FDCSP: variants seen among roughly 807,000 people sequenced by gnomAD.
The protein encoded by FDCSP is follicular dendritic cell secreted protein, also known as follicular dendritic cell secreted peptide.
A neutral mutation model predicts 8.9 loss-of-function variants in FDCSP; 8 were observed. That is an observed-to-expected ratio of 0.90 (90% CI 0.53 to 1.63). The LOEUF is 1.63. Ranked by LOEUF, FDCSP falls within the 40% of genes most tolerant of loss-of-function variation. The pLI is 0.00. For missense variants in FDCSP, 101 were observed against 103.6 expected (o/e 0.98, Z 0.11); for synonymous variants, 34 against 34.5 (o/e 0.98, Z 0.06).
chr4:70,227,053 C>T (rs1388448838), intron 1 of FDCSP, among the ~76,000 whole-genome samples: 1 of 151,902 alleles, frequency 6.6e-6, no homozygotes, highest in East Asian at 1.9e-4. Flanking sequence ...TGGTATATAT[C>T]ACGCTTTTTT....
chr4:70,229,973 G>A (rs999906427), intron 1 of FDCSP, among the ~76,000 whole-genome samples: 3 of 151,614 alleles, frequency 2.0e-5, no homozygotes, highest in African/African-American at 7.3e-5. Flanking sequence ...GGTGCTGATA[G>A]ACTTGCTCGA....
intron 1 of FDCSP, 75 bp from the exon 2 acceptor site, chr4:70,231,120 T>A: frequency 8.4e-7 from 1 of 1,187,652 alleles, no homozygotes; most frequent in Middle Eastern, 2.0e-4. Context: ...AAATTCATGG[T>A]CTTTTAGCTG....
intron 1 of FDCSP, 112 bp downstream of exon 1, chr4:70,226,294 G>A (rs1296264951): frequency 6.6e-6 from 1 of 151,836 alleles, no homozygotes; most frequent in South Asian, 2.1e-4. Flanking sequence ...AATTTTAATT[G>A]TTGAGACTAA....
Position 70,228,774 on chromosome 4 carries a change from G to A in FDCSP, c.1-2421G>A, listed in dbSNP as rs569748493. Among the ~76,000 whole-genome samples the A allele has an allele frequency of 2.0e-5, 3 of 151,864 alleles. No individual in the cohort carries two copies. In the East Asian group the frequency reaches 5.8e-4, roughly 29 times the overall value. On this transcript the variant is annotated intron_variant, in intron 1 of 4. Coordinates refer to ENST00000317987, the MANE Select transcript of FDCSP (RefSeq NM_152997.4). The stretch of plus-strand genomic sequence containing the variant: ...TTGGGGGCTCAGGTACATTTTCAAT[G>A]AATGGCAATATTTTGAAAAAAACAT...
chr4:70,234,818 T>C (rs1005768728), intron 4 of FDCSP, among the ~76,000 whole-genome samples: 6 of 150,406 alleles, frequency 4.0e-5, no homozygotes, highest in Admixed American at 4.0e-4. Context: ...TAATCTACTA[T>C]AATAATTTAT....
chr4:70,226,834 TG>T (rs77678677), intron 1 of FDCSP, among the ~76,000 whole-genome samples: 18,597 of 151,852 alleles, frequency 0.12, 1,350 homozygotes, highest in East Asian at 0.27. Context: ...GTAATTATGC[TG>T]TGTCCTGACT....
At chr4:70,233,220 T>A (rs940566377) in intron 3 of FDCSP, among the ~76,000 whole-genome samples, 194 bp downstream of exon 3, 4 of 151,680 alleles carry the variant, frequency 2.6e-5, no homozygotes, top group African/African-American at 9.7e-5. Flanking sequence ...TATCTCCATA[T>A]CTCATGTCAC....
chr4:70,228,293 G>A (rs766476659), intron 1 of FDCSP, among the ~76,000 whole-genome samples: 11 of 151,802 alleles, frequency 7.2e-5, no homozygotes, highest in Admixed American at 5.3e-4. Flanking sequence ...TCCATAAGAA[G>A]CCATTTTTCA....
chr4:70,226,803 A>G (rs893948030), intron 1 of FDCSP, among the ~76,000 whole-genome samples: 1 of 151,202 alleles, frequency 6.6e-6, no homozygotes, highest in Non-Finnish European at 1.5e-5. Flanking sequence ...TGATAAGTAT[A>G]AAAATAAAAG....
At chr4:70,227,767 G>A (rs1274865194) in intron 1 of FDCSP, among the ~76,000 whole-genome samples, 1 of 151,664 alleles carries the variant, frequency 6.6e-6, no homozygotes, top group African/African-American at 2.4e-5. Flanking sequence ...TGGATTCCCA[G>A]TGTACATAAA....
intron 1 of FDCSP, among the ~76,000 whole-genome samples, chr4:70,229,140 T>A (rs1275384390): frequency 6.6e-6 from 1 of 151,788 alleles, no homozygotes; most frequent in African/African-American, 2.4e-5. Flanking sequence ...AGATAGATTT[T>A]CTGGATAACA....
In FDCSP at chr4:70,232,453, G is replaced by A. The variant is rs949569797; in HGVS notation, c.58-541G>A. 2.0e-5 allele frequency among the ~76,000 whole-genome samples: 3 copies of A among 151,632 alleles called. No homozygotes were observed. The East Asian group carries it at 5.8e-4, about 29-fold the overall frequency. On this transcript the variant is annotated intron_variant, in intron 2 of 4. Transcript: ENST00000317987. Reference sequence around the variant, plus strand: ...TATGCCATACAGTTTTGTAGTCTAGGAGTAAGAGACTATACTGTCTAGCTT... The same window carrying A: ...TATGCCATACAGTTTTGTAGTCTAGAAGTAAGAGACTATACTGTCTAGCTT...
At chr4:70,229,615 T>G (rs1057351344) in intron 1 of FDCSP, among the ~76,000 whole-genome samples, 12 of 151,678 alleles carry the variant, frequency 7.9e-5, no homozygotes, top group African/African-American at 2.7e-4. Flanking sequence ...GGTTATTAAC[T>G]GGCCCAGATT....
chr4:70,230,596 C>A (rs139143343), intron 1 of FDCSP, among the ~76,000 whole-genome samples: 556 of 151,658 alleles, frequency 3.7e-3, no homozygotes, highest in Non-Finnish European at 5.8e-3. Flanking sequence ...CTCTATGATC[C>A]ATGGACTGCA....
intron 1 of FDCSP, among the ~76,000 whole-genome samples, chr4:70,230,371 G>C (rs762994457): frequency 6.6e-6 from 1 of 151,542 alleles, no homozygotes. Flanking sequence ...AAATGCAAAT[G>C]TTCTGTTTCA....
Position 70,231,205 on chromosome 4 carries a change from T to C in FDCSP, c.11T>C (p.Val4Ala). MKK[V>A]LLLITAILAV... ...TACTCCATTTTGCAGATGAAGAAAG[T>C]TCTCCTCCTGATCACAGCCATCTTG... Residue 4 changes from valine to alanine, a missense_variant, in exon 2 of 5, where the codon GTT (valine) becomes GCT (alanine). Physicochemically the swap from Val to Ala is moderately conservative, Grantham distance 64. Coordinates refer to ENST00000317987, the MANE Select transcript of FDCSP (RefSeq NM_152997.4). 6.3e-7 allele frequency: 1 copy of C among 1,598,154 alleles called. No individual in the cohort carries two copies. The highest frequency in any genetic ancestry group is 8.5e-7 in the Non-Finnish European group (1 of 1,171,692).
chr4:70,234,993 C>A (rs1163698307), intron 4 of FDCSP, 92 bp from the exon 5 acceptor site: 1 of 151,438 alleles, frequency 6.6e-6, no homozygotes, highest in Non-Finnish European at 1.5e-5. Context: ...TATTTTTAAG[C>A]CAATAGTTGT....
chr4:70,226,883 T>C (rs1017271073), intron 1 of FDCSP, among the ~76,000 whole-genome samples: 3 of 151,886 alleles, frequency 2.0e-5, no homozygotes, highest in Non-Finnish European at 2.9e-5. Context: ...ATGTGGATTA[T>C]TTACTTATTT....
chr4:70,234,945 A>G (rs1304718262), intron 4 of FDCSP, 140 bp from the exon 5 acceptor site: 1 of 151,582 alleles, frequency 6.6e-6, no homozygotes, highest in African/African-American at 2.4e-5. Context: ...TTCTTTCTAC[A>G]TCTTGAGCAG....
Sources: gnomAD v4.1 joint callset for allele counts (sites outside exome capture counted in the v4.1 genomes callset) on GRCh38, gnomAD v4.1.1 for gene constraint, MANE v1.5 for transcripts, NCBI Gene and HGNC (gene_info 2026-07-23, HGNC 2026-07-21) for gene names.